Variants in PTPRO observed in about 807,000 individuals in gnomAD.
PTPRO encodes protein tyrosine phosphatase receptor type O, also known as receptor-type tyrosine-protein phosphatase O.
A neutral mutation model predicts 145.2 loss-of-function variants in PTPRO; 62 were observed. The ratio of observed to expected loss-of-function variants is 0.43; its 90% CI spans 0.35 to 0.53. The LOEUF is 0.53. PTPRO is among the 20% of genes least tolerant of loss of function. The probability of loss-of-function intolerance (pLI) is 0.01; values close to 1 mark genes in which losing one functional copy is unlikely to be tolerated. For missense variants in PTPRO, 1,345 were observed against 1,482.7 expected, an observed-to-expected ratio of 0.91 and a Z score of 1.53; for synonymous variants, 565 against 514.7, an observed-to-expected ratio of 1.10 and a Z score of -1.32.
At chr12:15,377,028 A>ATGTAATT (rs1203745337) in intron 1 of PTPRO, among the ~76,000 whole-genome samples, 2 of 152,200 alleles carry the variant, frequency 1.3e-5, no homozygotes, top group African/African-American at 4.8e-5. Flanking sequence ...ATGTACAAAG[A>ATGTAATT]TGTAATTTCT....
chr12:15,364,625 T>C (rs1183727949), intron 1 of PTPRO, among the ~76,000 whole-genome samples: 1 of 152,134 alleles, frequency 6.6e-6, no homozygotes, highest in Non-Finnish European at 1.5e-5. Flanking sequence ...TTGACTGTAA[T>C]TAAACTCACA....
In PTPRO at chr12:15,597,678, C is replaced by T. The variant is rs769512286; in HGVS notation, c.*1605C>T. The stretch of plus-strand genomic sequence containing the variant: ...GCCAGTGAGTCTCAGTTTCACCTTG[C>T]AGGGTGAATGGCAGAGGATGCCCAT... On this transcript the variant is annotated 3_prime_UTR_variant, in exon 27 of 27. Coordinates refer to ENST00000281171, the MANE Select transcript of PTPRO (RefSeq NM_030667.3). Among the ~76,000 whole-genome samples, 1 of 152,198 alleles carries T rather than the reference C, an allele frequency of 6.6e-6. No homozygotes were observed. Among genetic ancestry groups the T allele is most frequent in the Non-Finnish European group, 1.5e-5 (1 of 68,036 alleles).
intron 1 of PTPRO, among the ~76,000 whole-genome samples, chr12:15,448,339 TAAAAAAAAA>T (rs56136736): frequency 2.2e-5 from 1 of 45,020 alleles, no homozygotes; most frequent in African/African-American, 6.5e-5. Context: ...CTGTTCCTAG[TAAAAAAAAA>T]AAAAAAAAAA....
At chr12:15,473,960 G>C (rs1450691173) in intron 1 of PTPRO, among the ~76,000 whole-genome samples, 3 of 152,078 alleles carry the variant, frequency 2.0e-5, no homozygotes, top group South Asian at 2.1e-4. Context: ...GAAGTTAAGA[G>C]ATGCTTGGAC....
intron 1 of PTPRO, among the ~76,000 whole-genome samples, chr12:15,386,256 TTAAAA>T (rs1939025512): frequency 1.3e-5 from 2 of 151,984 alleles, no homozygotes; most frequent in South Asian, 4.2e-4. Context: ...AGATGCATAA[TTAAAA>T]TAAGAATAAA....
chr12:15,494,423 C>T (rs1005538564), intron 2 of PTPRO, among the ~76,000 whole-genome samples: 1 of 152,156 alleles, frequency 6.6e-6, no homozygotes, highest in African/African-American at 2.4e-5. Context: ...AGCTCTAGTT[C>T]ATACCACACC....
intron 7 of PTPRO, among the ~76,000 whole-genome samples, chr12:15,512,782 C>T (rs1565675015): frequency 6.6e-6 from 1 of 152,000 alleles, no homozygotes; most frequent in Non-Finnish European, 1.5e-5. Flanking sequence ...GCACTTGAGG[C>T]CAGGAGTTTG....
intron 6 of PTPRO, among the ~76,000 whole-genome samples, chr12:15,508,095 A>G (rs1338088857): frequency 6.6e-6 from 1 of 152,166 alleles, no homozygotes; most frequent in African/African-American, 2.4e-5. Context: ...CTTCTCTAAT[A>G]TAATCACAGC....
chr12:15,459,200 A>C (rs2136393227), intron 1 of PTPRO, among the ~76,000 whole-genome samples: 1 of 152,340 alleles, frequency 6.6e-6, no homozygotes, highest in African/African-American at 2.4e-5. Flanking sequence ...CTCAGGAAGT[A>C]GATGAGATCT....
intron 1 of PTPRO, among the ~76,000 whole-genome samples, chr12:15,399,518 C>T (rs576451805): frequency 1.3e-5 from 2 of 152,294 alleles, no homozygotes; most frequent in South Asian, 4.1e-4. Context: ...GACTTTGTCC[C>T]ACTAATCTAG....
At chr12:15,462,747 T>G (rs1941333716) in intron 1 of PTPRO, among the ~76,000 whole-genome samples, 2 of 152,216 alleles carry the variant, frequency 1.3e-5, no homozygotes, top group African/African-American at 4.8e-5. Flanking sequence ...GAGAAATTCC[T>G]GGCATATATT....
At chr12:15,431,574 A>G (rs1026513288) in intron 1 of PTPRO, among the ~76,000 whole-genome samples, 7 of 152,174 alleles carry the variant, frequency 4.6e-5, no homozygotes, top group African/African-American at 1.7e-4. Context: ...TATAATTTCA[A>G]TTATTCTAAT....
intron 15 of PTPRO, among the ~76,000 whole-genome samples, chr12:15,557,142 G>A (rs1157041272): frequency 6.6e-6 from 1 of 151,630 alleles, no homozygotes; most frequent in Non-Finnish European, 1.5e-5. Context: ...CCAGGTTCAA[G>A]CAATTATCTT....
chr12:15,579,020 C>G (rs1182446222), intron 20 of PTPRO, 77 bp downstream of exon 20: 2 of 1,317,274 alleles, frequency 1.5e-6, no homozygotes, highest in Non-Finnish European at 2.2e-6. Context: ...ATCAATTTCA[C>G]CAATCTCTGG....
At chr12:15,456,431 C>T (rs10772851) in intron 1 of PTPRO, among the ~76,000 whole-genome samples, 130,812 of 152,120 alleles carry the variant, frequency 0.86, 59,118 homozygotes, top group Non-Finnish European at 0.99. Context: ...CTGTAGTTTG[C>T]TTTTCTTACA....
chr12:15,518,987 A>G (rs1326694468), intron 9 of PTPRO, among the ~76,000 whole-genome samples: 3 of 152,130 alleles, frequency 2.0e-5, no homozygotes, highest in Non-Finnish European at 4.4e-5. Flanking sequence ...TCTTCTCAGC[A>G]GCACTCCACT....
chr12:15,516,501 A>G (rs1483430092), intron 8 of PTPRO, among the ~76,000 whole-genome samples: 5 of 127,320 alleles, frequency 3.9e-5, no homozygotes, highest in Non-Finnish European at 8.5e-5. Flanking sequence ...GGAAAGAAAG[A>G]AAAGAAAGAA....
At chr12:15,402,885 C>G (rs1939538773) in intron 1 of PTPRO, among the ~76,000 whole-genome samples, 1 of 151,942 alleles carries the variant, frequency 6.6e-6, no homozygotes, top group African/African-American at 2.4e-5. Flanking sequence ...CTACATAAAA[C>G]TAAAAAGAAC....
At chr12:15,541,313 G>T (rs1384700208) in intron 12 of PTPRO, among the ~76,000 whole-genome samples, 6 of 152,080 alleles carry the variant, frequency 3.9e-5, no homozygotes, top group Non-Finnish European at 7.4e-5. Context: ...AACATTATTG[G>T]TTTTTTCCTA....
Sources: gnomAD v4.1 joint callset for allele counts (sites outside exome capture counted in the v4.1 genomes callset) on GRCh38, gnomAD v4.1.1 for gene constraint, MANE v1.5 for transcripts, NCBI Gene and HGNC (gene_info 2026-07-23, HGNC 2026-07-21) for gene names.